The following UNC5C variants were observed in gnomAD, a reference collection of about 807,000 sequenced individuals.
UNC5C encodes netrin receptor UNC5C.
A neutral mutation model predicts 99.8 loss-of-function variants in UNC5C; 47 were observed. That is an observed-to-expected ratio of 0.47 (90% CI 0.37 to 0.60). The LOEUF (loss-of-function observed/expected upper bound fraction) is 0.60. UNC5C is among the 20% of genes least tolerant of loss of function. The pLI, the probability that UNC5C is intolerant of heterozygous loss-of-function variation, is 0.00. For synonymous variants in UNC5C, 487 were observed against 452.2 expected (o/e 1.08, Z -0.98); for missense variants, 1,062 against 1,165.9 (o/e 0.91, Z 1.30).
chr4:95,304,828 C>A (rs1473983173), intron 2 of UNC5C, among the ~76,000 whole-genome samples: 9 of 152,104 alleles, frequency 5.9e-5, no homozygotes, highest in Non-Finnish European at 1.3e-4. Context: ...ATTTGGTGTC[C>A]CAAGATGATA....
At chr4:95,456,784 T>G (rs1257852309) in intron 1 of UNC5C, among the ~76,000 whole-genome samples, 1 of 152,164 alleles carries the variant, frequency 6.6e-6, no homozygotes, top group African/African-American at 2.4e-5. Flanking sequence ...CATTCATTGA[T>G]GAGACTTATA....
intron 3 of UNC5C, among the ~76,000 whole-genome samples, chr4:95,296,493 A>T (rs1349946786): frequency 6.6e-6 from 1 of 152,214 alleles, no homozygotes; most frequent in African/African-American, 2.4e-5. Flanking sequence ...GTGTGCTGAA[A>T]AAGAATATAT....
At chr4:95,454,928 G>C (rs569629603) in intron 1 of UNC5C, among the ~76,000 whole-genome samples, 1 of 152,108 alleles carries the variant, frequency 6.6e-6, no homozygotes, top group East Asian at 1.9e-4. Context: ...TAAAAATTAA[G>C]TGCATGGGAA....
chr4:95,524,368 T>C (rs1369825694), intron 1 of UNC5C, among the ~76,000 whole-genome samples: 1 of 152,178 alleles, frequency 6.6e-6, no homozygotes, highest in African/African-American at 2.4e-5. Context: ...CTTGCATGTT[T>C]TATGCAACAG....
At chr4:95,331,859 T>C (rs558121737) in intron 2 of UNC5C, among the ~76,000 whole-genome samples, 2 of 152,168 alleles carry the variant, frequency 1.3e-5, no homozygotes, top group Admixed American at 6.6e-5. Context: ...TAGAATAGTT[T>C]CATTTCTCAA....
At chr4:95,210,483 T>C (rs1306780696) in intron 10 of UNC5C, among the ~76,000 whole-genome samples, 1 of 152,140 alleles carries the variant, frequency 6.6e-6, no homozygotes, top group Non-Finnish European at 1.5e-5. Flanking sequence ...TTAAATCACA[T>C]AGAAGAAAAT....
intron 1 of UNC5C, among the ~76,000 whole-genome samples, chr4:95,387,826 G>A (rs542458777): frequency 6.6e-6 from 1 of 152,140 alleles, no homozygotes; most frequent in Non-Finnish European, 1.5e-5. Context: ...ATTATTTTAA[G>A]CTGTTCAGTG....
At chr4:95,357,805 A>G (rs933528488) in intron 1 of UNC5C, among the ~76,000 whole-genome samples, 1 of 149,474 alleles carries the variant, frequency 6.7e-6, no homozygotes, top group Non-Finnish European at 1.5e-5. Context: ...CAAAAACAAA[A>G]ACAAAAATGA....
intron 1 of UNC5C, among the ~76,000 whole-genome samples, chr4:95,534,244 G>A (rs1343403108): frequency 6.6e-6 from 1 of 152,166 alleles, no homozygotes; most frequent in Non-Finnish European, 1.5e-5. Flanking sequence ...CTGAAGTGGT[G>A]ACTGAGTTGT....
At chr4:95,485,380 G>C (rs567363869) in intron 1 of UNC5C, among the ~76,000 whole-genome samples, 1 of 151,868 alleles carries the variant, frequency 6.6e-6, no homozygotes, top group Non-Finnish European at 1.5e-5. Context: ...TTTAGGAAAC[G>C]TGTAGTAAAG....
At chr4:95,270,786 T>A (rs1740629585) in intron 4 of UNC5C, among the ~76,000 whole-genome samples, 2 of 152,176 alleles carry the variant, frequency 1.3e-5, no homozygotes, top group Non-Finnish European at 2.9e-5. Context: ...GAACAAAATG[T>A]CATTGAAGTG....
intron 1 of UNC5C, among the ~76,000 whole-genome samples, chr4:95,361,451 A>G (rs941752055): frequency 2.6e-5 from 4 of 152,120 alleles, no homozygotes; most frequent in Non-Finnish European, 5.9e-5. Flanking sequence ...AGCAAACAAA[A>G]CTAAGTTAAA....
At position 95,202,848 on chromosome 4, in the gene UNC5C, G is replaced by A. The variant is rs1737734303; in HGVS notation, c.2019C>T (p.Ser673=). The part of the protein sequence containing the change: ...NLSTYALVGH[S]TTKAAAKRLK... The stretch of plus-strand genomic sequence containing the variant: ...GGCGCTTCGCAGCCGCTTTGGTGGT[G>A]GAATGTCCTACCAGGGCGTAGGTGC... The change falls in exon 12 of 16, where the codon TCC becomes TCT. Residue 673 remains serine, a synonymous_variant. Coordinates refer to ENST00000453304, the MANE Select transcript of UNC5C (RefSeq NM_003728.4). The A allele has an allele frequency of 1.2e-6, 2 of 1,614,134 alleles. No homozygotes were observed. Among genetic ancestry groups the A allele is most frequent in the East Asian group, 2.2e-5 (1 of 44,884 alleles).
intron 2 of UNC5C, among the ~76,000 whole-genome samples, chr4:95,326,129 G>A (rs563134794): frequency 7.2e-5 from 11 of 152,208 alleles, no homozygotes; most frequent in African/African-American, 2.6e-4. Flanking sequence ...TTTACCAAAG[G>A]AGAATCTTAG....
chr4:95,267,855 A>G (rs1426764160), intron 4 of UNC5C, among the ~76,000 whole-genome samples: 1 of 152,130 alleles, frequency 6.6e-6, no homozygotes. Flanking sequence ...TATATCATGG[A>G]AACATATAAG....
chr4:95,316,522 A>T (rs994689278), intron 2 of UNC5C, among the ~76,000 whole-genome samples: 3 of 152,188 alleles, frequency 2.0e-5, no homozygotes, highest in Non-Finnish European at 4.4e-5. Context: ...TTGGGAGGAC[A>T]GCAGAGGTGA....
At chr4:95,455,493 C>A (rs905503091) in intron 1 of UNC5C, among the ~76,000 whole-genome samples, 1 of 151,904 alleles carries the variant, frequency 6.6e-6, no homozygotes, top group Admixed American at 6.6e-5. Flanking sequence ...AGCAAGACTC[C>A]ATCTCTACAA....
intron 1 of UNC5C, among the ~76,000 whole-genome samples, chr4:95,528,622 T>G (rs983520412): frequency 7.9e-5 from 12 of 152,148 alleles, no homozygotes; most frequent in African/African-American, 2.9e-4. Flanking sequence ...GAGTATGTAA[T>G]AAAACAGCTA....
At position 95,318,942 on chromosome 4, in the gene UNC5C, G is replaced by A. The variant is rs368734612; in HGVS notation, c.346+16468C>T. On this transcript the variant is annotated intron_variant, in intron 2 of 15. Coordinates refer to ENST00000453304, the MANE Select transcript of UNC5C (RefSeq NM_003728.4). Reference sequence around the variant, plus strand: ...AATGAGAGGAAAGCCTGAGCAAATCGTAAAGCATACTCGTTTTCCCCCATC... The same window carrying A: ...AATGAGAGGAAAGCCTGAGCAAATCATAAAGCATACTCGTTTTCCCCCATC... Among the ~76,000 whole-genome samples the A allele has an allele frequency of 7.9e-5, 12 of 152,266 alleles. No individual in the cohort carries two copies. The South Asian group carries it at 2.3e-3, about 29-fold the overall frequency.
Sources: allele counts gnomAD v4.1 joint callset (sites outside exome capture counted in the v4.1 genomes callset), GRCh38; gene constraint gnomAD v4.1.1; transcripts MANE v1.5; gene names NCBI Gene and HGNC (gene_info 2026-07-23, HGNC 2026-07-21).